Variants in ARAP1 observed in about 807,000 individuals in gnomAD.
The protein encoded by ARAP1 is arf-GAP with Rho-GAP domain, ANK repeat and PH domain-containing protein 1.
Under a neutral mutation model 172.2 loss-of-function variants are expected in ARAP1, and 76 were observed. That is an observed-to-expected ratio of 0.44 (90% confidence interval 0.37 to 0.53). The LOEUF (loss-of-function observed/expected upper bound fraction) is 0.53. Ranked by LOEUF, ARAP1 falls within the 20% of genes least tolerant of loss-of-function variation. The probability of loss-of-function intolerance (pLI) is 0.00; values close to 1 mark genes in which losing one functional copy is unlikely to be tolerated. For synonymous variants in ARAP1, 804 were observed against 803.3 expected (o/e 1.00, Z -0.01); for missense variants, 1,686 against 1,977.5 (o/e 0.85, Z 2.80).
At chr11:72,688,568 T>G (rs775212954) in intron 30 of ARAP1, 31 bp from the exon 31 acceptor site, 1 of 1,589,004 alleles carries the variant, frequency 6.3e-7, no homozygotes, top group Non-Finnish European at 8.6e-7. Context: ...GAGGGCACTT[T>G]AGTCTGCAGA....
At position 72,726,979 on chromosome 11, in the gene ARAP1, G is replaced by A; in HGVS notation, c.150C>T (p.Gly50=). ...GGCGGCGGTGACCAGGGAGTAGCAT[G>A]CCCATGTCCATCAGGCGGGTGTCGC... is the stretch of plus-strand genomic sequence containing the variant. ...GLSDTRLMDM[G]MLLPGHRRRI... is the part of the protein sequence containing the mutation. Residue 50 remains glycine, a synonymous_variant, in exon 3 of 35, where the codon GGC becomes GGT. Coordinates refer to ENST00000393609, the MANE Select transcript of ARAP1 (RefSeq NM_001040118.3). The surrounding 1 kb of genome is among the most constrained non-coding windows in gnomAD (Gnocchi z 6.5). The A allele has an allele frequency of 6.2e-7, 1 of 1,604,470 alleles. No homozygotes were observed.
At chr11:72,731,172 G>A (rs2135577377) in intron 2 of ARAP1, among the ~76,000 whole-genome samples, 1 of 152,318 alleles carries the variant, frequency 6.6e-6, no homozygotes, top group African/African-American at 2.4e-5. Context: ...GGGAACAGTG[G>A]AAGATGCAGA....
chr11:72,740,758 C>G (rs1207372407), intron 1 of ARAP1, among the ~76,000 whole-genome samples: 2 of 152,166 alleles, frequency 1.3e-5, no homozygotes, highest in South Asian at 4.1e-4. Flanking sequence ...GCACAGAGCG[C>G]AGCCCTCAGA....
intron 13 of ARAP1, chr11:72,704,600 C>T (rs956107089): frequency 2.3e-6 from 1 of 426,186 alleles, no homozygotes; most frequent in Non-Finnish European, 4.2e-6. Context: ...AGGCCTTGCA[C>T]CTGGTCCCAG....
intron 31 of ARAP1, among the ~76,000 whole-genome samples, 176 bp from the exon 32 acceptor site, chr11:72,687,914 G>T (rs984190958): frequency 6.6e-6 from 1 of 152,044 alleles, no homozygotes; most frequent in Non-Finnish European, 1.5e-5. Context: ...AGCCTCCCAG[G>T]CCCTTGACAC....
rs756647347 is a variant in ARAP1, at chr11:72,714,203, G to A, written c.628C>T (p.Pro210Ser). ...TTTGGAGGTATCTCCGGGGGGCAGG[G>A]AGGTGGAGAGGGAGGCTGGGGAGGC... is the stretch of plus-strand genomic sequence containing the variant. The part of the protein sequence containing the change: ...QGPPQPPSPP[P>S]CPPEIPPKPV... The change falls in exon 4 of 35, where the codon CCC becomes TCC. Residue 210 changes from proline to serine, a missense_variant. Physicochemically the swap from Pro to Ser is moderately conservative, Grantham distance 74 (BLOSUM62 -1). Coordinates refer to ENST00000393609, the MANE Select transcript of ARAP1 (RefSeq NM_001040118.3). 5 of 1,522,666 alleles carry A rather than the reference G, an allele frequency of 3.3e-6. No individual in the cohort carries two copies. Among genetic ancestry groups the A allele is most frequent in the African/African-American group, 1.4e-5 (1 of 70,270 alleles). The allele number at this position is 1,522,666 out of a possible 1,614,324, so 94.3% of individuals were successfully genotyped here.
chr11:72,716,367 T>C (rs1857274041), intron 3 of ARAP1, among the ~76,000 whole-genome samples: 1 of 151,986 alleles, frequency 6.6e-6, no homozygotes, highest in Admixed American at 6.6e-5. Flanking sequence ...ACCAAACCCT[T>C]TCCTCTTCTG....
intron 30 of ARAP1, among the ~76,000 whole-genome samples, 200 bp downstream of exon 30, chr11:72,692,553 G>A (rs759446357): frequency 6.6e-6 from 1 of 152,206 alleles, no homozygotes; most frequent in Non-Finnish European, 1.5e-5. Context: ...CCCTATATTG[G>A]GGAAAGGACC....
At chr11:72,734,841 C>CAAAAAA (rs58338853) in intron 1 of ARAP1, among the ~76,000 whole-genome samples, 1 of 103,928 alleles carries the variant, frequency 9.6e-6, no homozygotes, top group African/African-American at 3.1e-5. Context: ...AGACTGAGCA[C>CAAAAAA]AAAAAAAAAA....
intron 1 of ARAP1, among the ~76,000 whole-genome samples, chr11:72,734,085 C>T (rs762071222): frequency 1.3e-5 from 2 of 152,096 alleles, no homozygotes; most frequent in Admixed American, 6.6e-5. Flanking sequence ...CTCAGCCCCC[C>T]CAGTTGCTAG....
Position 72,726,507 on chromosome 11 carries a change from C to T in ARAP1, c.509+113G>A. On this transcript the variant is annotated intron_variant, in intron 3 of 34. Coordinates refer to ENST00000393609, the MANE Select transcript of ARAP1 (RefSeq NM_001040118.3). The surrounding 1 kb of genome is among the most constrained non-coding windows in gnomAD (Gnocchi z 6.5). ...CTCCGAGCTTTGCACACGCTGTTCC[C>T]CCTGCACTTCCGAAGTGCCTTTCTT... 3 of 1,334,648 alleles carry T rather than the reference C, an allele frequency of 2.2e-6. No homozygotes were observed. Among genetic ancestry groups the T allele is most frequent in the Non-Finnish European group, 3.0e-6 (3 of 1,006,802 alleles). The allele number at this position is 1,334,648 out of a possible 1,614,324, so 82.7% of individuals were successfully genotyped here. A position where few individuals can be genotyped will look rare whatever the true frequency, so the allele number is the denominator to read the frequency against.
chr11:72,705,696 C>T, intron 13 of ARAP1, 109 bp downstream of exon 13: 1 of 1,207,300 alleles, frequency 8.3e-7, no homozygotes, highest in Non-Finnish European at 1.2e-6. Context: ...AGGGTCTCTT[C>T]CAGCTCCAAG....
intron 1 of ARAP1, among the ~76,000 whole-genome samples, chr11:72,747,849 C>G (rs761974751): frequency 6.6e-6 from 1 of 152,208 alleles, no homozygotes; most frequent in Non-Finnish European, 1.5e-5. Flanking sequence ...GAGGGCACCC[C>G]AGATCCACAG....
At chr11:72,694,938 G>A (rs200418570) in intron 27 of ARAP1, 42 bp downstream of exon 27, 389 of 1,569,572 alleles carry the variant, frequency 2.5e-4, no homozygotes, top group Non-Finnish European at 3.2e-4. Context: ...GCTGAGACAA[G>A]ACAAGCCATA....
rs1203289473 is a variant in ARAP1, at chr11:72,686,098, C to G, written c.4279G>C (p.Gly1427Arg). ...LGSVSLIPLR[G>R]SENEMRRSVA... ...CTCCGGCGCATTTCATTTTCACTAC[C>G]TCGAAGGGGGATCAGTGACACACTA... The change falls in exon 34 of 35, where the codon GGT (glycine) becomes CGT (arginine). Residue 1427 changes from glycine (G) to arginine (R), a missense_variant. By Grantham distance (125) the Gly-to-Arg change is moderately radical. Coordinates refer to ENST00000393609, the MANE Select transcript of ARAP1 (RefSeq NM_001040118.3). 6.2e-7 allele frequency: 1 copy of G among 1,613,992 alleles called. No homozygotes were observed. Among genetic ancestry groups the G allele is most frequent in the East Asian group, 2.2e-5 (1 of 44,902 alleles).
rs550670749 is a variant in ARAP1 at position 72,702,855 on chromosome 11, C to A, written c.2167+50G>T. 81 of 1,542,236 alleles carry A rather than the reference C, an allele frequency of 5.3e-5. 1 individual carries two copies. In the South Asian group the frequency reaches 8.9e-4, roughly 17 times the overall value. On this transcript the variant is annotated intron_variant, in intron 15 of 34. Coordinates refer to ENST00000393609, the MANE Select transcript of ARAP1 (RefSeq NM_001040118.3). ...CTGAGAGCAGCAGGTAAATCAAACC[C>A]CACCAGGCACTGCACAGCCTGGTGG...
At chr11:72,713,674 C>T (rs990953102) in intron 4 of ARAP1, among the ~76,000 whole-genome samples, 39 of 152,030 alleles carry the variant, frequency 2.6e-4, no homozygotes, top group African/African-American at 8.7e-4. Context: ...GGTGAAACCC[C>T]GTCTCTACTA....
At position 72,688,439 on chromosome 11, in the gene ARAP1, C is replaced by T; in HGVS notation, c.4070+16G>A. ...TAAGCCCCAGTAGCAGGCCTATCTGCCCAGTCCCAGCTTACCAGGTGGGTG... is the reference window on the plus strand; with the variant it reads ...TAAGCCCCAGTAGCAGGCCTATCTGTCCAGTCCCAGCTTACCAGGTGGGTG... On this transcript the variant is annotated intron_variant, in intron 31 of 34. Coordinates refer to ENST00000393609, the MANE Select transcript of ARAP1 (RefSeq NM_001040118.3). 1.2e-6 allele frequency: 2 copies of T among 1,608,386 alleles called. No homozygotes were observed. The highest frequency in any genetic ancestry group is 1.1e-5 in the South Asian group (1 of 89,810).
At chr11:72,739,289 C>T (rs1156570236) in intron 1 of ARAP1, among the ~76,000 whole-genome samples, 1 of 152,174 alleles carries the variant, frequency 6.6e-6, no homozygotes, top group African/African-American at 2.4e-5. Flanking sequence ...CGCATCTCTG[C>T]CCTATAACTC....
Sources: allele counts gnomAD v4.1 joint callset (sites outside exome capture counted in the v4.1 genomes callset), GRCh38; gene constraint gnomAD v4.1.1; non-coding constraint Gnocchi (gnomAD v3.1); transcripts MANE v1.5; gene names NCBI Gene and HGNC (gene_info 2026-07-23, HGNC 2026-07-21).